Variants in ING5 observed in about 807,000 individuals in gnomAD.
ING5 encodes inhibitor of growth family member 5, also known as inhibitor of growth protein 5.
A neutral mutation model predicts 37.4 loss-of-function variants in ING5; 17 were observed. The ratio of observed to expected loss-of-function variants is 0.45; its 90% CI spans 0.31 to 0.68. The LOEUF is 0.68. ING5 is among the 30% of genes least tolerant of loss of function. The pLI, the probability that ING5 is intolerant of heterozygous loss-of-function variation, is 0.05. For synonymous variants in ING5, 123 were observed against 116.6 expected (o/e 1.06, Z -0.36); for missense variants, 233 against 311.9 (o/e 0.75, Z 1.91).
At chr2:241,704,237 CAG>C (rs994906567) in intron 1 of ING5, among the ~76,000 whole-genome samples, 12 of 152,190 alleles carry the variant, frequency 7.9e-5, no homozygotes, top group African/African-American at 1.7e-4. Context: ...CAAACCCTGA[CAG>C]AGACAGAATA....
chr2:241,715,521 T>C (rs1484619695), intron 5 of ING5, among the ~76,000 whole-genome samples: 1 of 146,732 alleles, frequency 6.8e-6, no homozygotes, highest in African/African-American at 2.6e-5. Context: ...CTCACTCTGT[T>C]GCCCAGGCTT....
Position 241,727,317 on chromosome 2 carries a change from T to G in ING5, c.*2286T>G, listed in dbSNP as rs1429139358. 2.0e-5 allele frequency: 3 copies of G among 152,080 alleles called. No homozygotes were observed. The highest frequency in any genetic ancestry group is 4.8e-5 in the African/African-American group (2 of 41,360). The allele number at this position is 152,080 out of a possible 1,614,324, so 9.4% of individuals were successfully genotyped here. A position where few individuals can be genotyped will look rare whatever the true frequency, so the allele number is the denominator to read the frequency against. On this transcript the variant is annotated 3_prime_UTR_variant, in exon 8 of 8. Coordinates refer to ENST00000313552, the MANE Select transcript of ING5 (RefSeq NM_032329.6). ...TGTGTGTGTGTGTGTGTTTTGTTTTTTGTTTTGTGTTTTTGAAACGGAGTT... is the reference window on the plus strand; with the variant it reads ...TGTGTGTGTGTGTGTGTTTTGTTTTGTGTTTTGTGTTTTTGAAACGGAGTT...
At chr2:241,695,281 C>T (rs1484671290) in intron 2 of ING5, among the ~76,000 whole-genome samples, 1 of 151,946 alleles carries the variant, frequency 6.6e-6, no homozygotes, top group Non-Finnish European at 1.5e-5. Flanking sequence ...TTCTGGCCCA[C>T]GGTGCCAGCT....
At chr2:241,687,067 C>G (rs1402906204), upstream of ING5, 1 of 400,812 alleles carries the variant, frequency 2.5e-6, no homozygotes, top group Non-Finnish European at 4.3e-6. Context: ...CCCTTCGCTC[C>G]GGGAGGGGAG....
rs1053960110 is a variant in ING5 at position 241,720,258 on chromosome 2, G to T, written c.483-2681G>T. ...CTGGAGTTCTGTGGTGCGCGTCCCT[G>T]ACCCATCAGCACAGTGGGTATTCAC... is the stretch of plus-strand genomic sequence containing the variant. On this transcript the variant is annotated intron_variant, in intron 5 of 7. Transcript: ENST00000313552. 4 of 1,230,638 alleles carry T rather than the reference G, an allele frequency of 3.3e-6. No individual in the cohort carries two copies. The African/African-American group carries it at 6.2e-5, about 19-fold the overall frequency. The allele number at this position is 1,230,638 out of a possible 1,614,324, so 76.2% of individuals were successfully genotyped here.
intron 5 of ING5, chr2:241,722,235 T>G: frequency 2.0e-6 from 2 of 985,400 alleles, no homozygotes; most frequent in Non-Finnish European, 2.4e-6. Flanking sequence ...TTCTCTCAGG[T>G]GTCAGCCGTC....
At chr2:241,703,352 C>A (rs2069802596) in intron 1 of ING5, among the ~76,000 whole-genome samples, 1 of 152,140 alleles carries the variant, frequency 6.6e-6, no homozygotes, top group Non-Finnish European at 1.5e-5. Context: ...GTGGCCAAGA[C>A]TGGAGGAGGC....
In ING5 at chr2:241,725,201, C is replaced by G; in HGVS notation, c.*170C>G. The G allele has an allele frequency of 1.4e-6, 1 of 721,624 alleles. No homozygotes were observed. The highest frequency in any genetic ancestry group is 1.7e-5 in the South Asian group (1 of 58,486). The allele number at this position is 721,624 out of a possible 1,614,324, so 44.7% of individuals were successfully genotyped here. ...CAAGAACCACCAAAGCCTGTTCGCA[C>G]AGAAGGGCGACCTTGCAGGGACTCG... On this transcript the variant is annotated 3_prime_UTR_variant, in exon 8 of 8. Coordinates refer to ENST00000313552, the MANE Select transcript of ING5 (RefSeq NM_032329.6).
At chr2:241,701,998 A>G, upstream of ING5, 2 of 1,189,736 alleles carry the variant, frequency 1.7e-6, no homozygotes, top group Non-Finnish European at 2.2e-6. Context: ...GCGCGCTGGC[A>G]CCGCCCCGCC....
chr2:241,716,144 A>G (rs2124930442), intron 5 of ING5, among the ~76,000 whole-genome samples: 1 of 151,948 alleles, frequency 6.6e-6, no homozygotes, highest in East Asian at 1.9e-4. Context: ...ATAATTAATG[A>G]TATGGTGGGA....
intron 7 of ING5, among the ~76,000 whole-genome samples, chr2:241,724,379 C>T (rs923045903): frequency 2.6e-5 from 4 of 152,138 alleles, no homozygotes; most frequent in Non-Finnish European, 4.4e-5. Context: ...GCTGTTAGGG[C>T]GGAGGGCCCT....
chr2:241,719,713 C>T, intron 5 of ING5: 1 of 1,493,990 alleles, frequency 6.7e-7, no homozygotes. Context: ...GAGGGCTCTG[C>T]CCAGCTTCAG....
At chr2:241,720,113 G>A in intron 5 of ING5, 2 of 1,238,330 alleles carry the variant, frequency 1.6e-6, no homozygotes, top group Non-Finnish European at 2.0e-6. Context: ...GGGCAGACGG[G>A]TCATCCTGAG....
intron 1 of ING5, among the ~76,000 whole-genome samples, chr2:241,689,247 A>C (rs77137336): frequency 2.0e-5 from 3 of 151,668 alleles, no homozygotes; most frequent in African/African-American, 7.3e-5. Context: ...CAAGTAGCTG[A>C]GATTACAGGC....
intron 7 of ING5, among the ~76,000 whole-genome samples, chr2:241,724,399 T>C (rs1402667038): frequency 1.3e-5 from 2 of 151,378 alleles, no homozygotes; most frequent in African/African-American, 4.9e-5. Flanking sequence ...TGGGCAGGCT[T>C]GGGCCTGGGC....
intron 2 of ING5, among the ~76,000 whole-genome samples, chr2:241,705,702 G>A (rs1034378600): frequency 2.0e-5 from 3 of 152,106 alleles, no homozygotes; most frequent in African/African-American, 7.2e-5. Flanking sequence ...CACCGCGCCC[G>A]GCCCTTAAAC....
At chr2:241,718,903 C>T (rs1357377973) in intron 5 of ING5, among the ~76,000 whole-genome samples, 7 of 152,196 alleles carry the variant, frequency 4.6e-5, no homozygotes, top group Non-Finnish European at 7.3e-5. Flanking sequence ...ATAATCAGTC[C>T]TATTTCCCTG....
At position 241,709,206 on chromosome 2, in the gene ING5, T is replaced by G. The variant is rs1198036404; in HGVS notation, c.110-10T>G. The stretch of plus-strand genomic sequence containing the variant: ...GTGCAGGGCTAGCTTTTCCCCCATT[T>G]CTCCATCAGATAAGAAAGCAGAGAT... On this transcript the variant is annotated splice_polypyrimidine_tract_variant and intron_variant, in intron 2 of 7. Transcript: ENST00000313552. The G allele has an allele frequency of 1.9e-6, 3 of 1,606,258 alleles. No homozygotes were observed. Among genetic ancestry groups the G allele is most frequent in the South Asian group, 2.2e-5 (2 of 90,246 alleles).
At chr2:241,710,122 T>G (rs2070062058) in intron 3 of ING5, among the ~76,000 whole-genome samples, 1 of 151,590 alleles carries the variant, frequency 6.6e-6, no homozygotes, top group Non-Finnish European at 1.5e-5. Context: ...ATTATTATTT[T>G]TGAGATGGAC....
Sources: allele counts gnomAD v4.1 joint callset (sites outside exome capture counted in the v4.1 genomes callset), GRCh38; gene constraint gnomAD v4.1.1; transcripts MANE v1.5; gene names NCBI Gene and HGNC (gene_info 2026-07-23, HGNC 2026-07-21).